The following LOC128092252 variants were observed in gnomAD, a reference collection of about 807,000 sequenced individuals.
chr15:50,668,911 T>C, the LOC128092252 span, among the ~76,000 whole-genome samples: 1 of 152,224 alleles, frequency 6.6e-6, no homozygotes, highest in East Asian at 1.9e-4. Flanking sequence ...TGGAATGATG[T>C]GCTCTCCTTA....
the LOC128092252 span, among the ~76,000 whole-genome samples, chr15:50,655,454 AAC>A: frequency 1.4e-5 from 2 of 144,264 alleles, no homozygotes; most frequent in Non-Finnish European, 1.6e-5. Flanking sequence ...AAAACAAAAA[AAC>A]AAAAAACCTT....
the LOC128092252 span, among the ~76,000 whole-genome samples, chr15:50,683,982 C>G: frequency 6.6e-6 from 1 of 151,822 alleles, no homozygotes; most frequent in Admixed American, 6.6e-5. Flanking sequence ...GCCTCAGCCT[C>G]ACGAGTAGCT....
At chr15:50,659,880 C>A in the LOC128092252 span, among the ~76,000 whole-genome samples, 1 of 152,116 alleles carries the variant, frequency 6.6e-6, no homozygotes, top group Non-Finnish European at 1.5e-5. Context: ...GTTGGCCAGG[C>A]TGGTCTCGAA....
At chr15:50,649,013 A>T in the LOC128092252 span, 1 of 601,120 alleles carries the variant, frequency 1.7e-6, no homozygotes. Context: ...GTATAAAAAT[A>T]AGCTTTTTGA....
the LOC128092252 span, among the ~76,000 whole-genome samples, chr15:50,680,161 GAGGC>G: frequency 3.3e-5 from 5 of 152,060 alleles, no homozygotes; most frequent in Non-Finnish European, 7.4e-5. Flanking sequence ...TTGAACCCGG[GAGGC>G]AGAGGCTGCA....
chr15:50,681,024 G>A, the LOC128092252 span, among the ~76,000 whole-genome samples: 8 of 152,172 alleles, frequency 5.3e-5, no homozygotes, highest in East Asian at 9.7e-4. Flanking sequence ...AGGCCAAGGC[G>A]GGCAGATCAC....
At chr15:50,672,055 GGTTTTT>G in the LOC128092252 span, among the ~76,000 whole-genome samples, 2,107 of 151,988 alleles carry the variant, frequency 0.014, 44 homozygotes, top group African/African-American at 0.049. Context: ...TTGTTTGGTT[GGTTTTT>G]GTTTTTGTTT....
At chr15:50,671,618 G>C in the LOC128092252 span, among the ~76,000 whole-genome samples, 17 of 150,034 alleles carry the variant, frequency 1.1e-4, no homozygotes, top group East Asian at 3.3e-3. Flanking sequence ...AGACCAACCT[G>C]GGCAGCATAA....
the LOC128092252 span, among the ~76,000 whole-genome samples, chr15:50,662,326 CAA>C: frequency 4.8e-5 from 6 of 124,618 alleles, no homozygotes; most frequent in Non-Finnish European, 5.3e-5. Context: ...GACTCTGTTC[CAA>C]AAAAAAAAAA....
chr15:50,650,712 A>AC, the LOC128092252 span, among the ~76,000 whole-genome samples: 2 of 151,908 alleles, frequency 1.3e-5, no homozygotes, highest in Non-Finnish European at 2.9e-5. Context: ...ACAAAAAAAA[A>AC]CAAAAAAATC....
chr15:50,678,547 C>T, the LOC128092252 span, among the ~76,000 whole-genome samples: 1 of 148,328 alleles, frequency 6.7e-6, no homozygotes, highest in Non-Finnish European at 1.5e-5. Context: ...TATATACACA[C>T]ACACACACAT....
chr15:50,678,665 A>G, the LOC128092252 span, among the ~76,000 whole-genome samples: 6 of 151,988 alleles, frequency 3.9e-5, no homozygotes, highest in East Asian at 1.2e-3. Context: ...TACGAACCCT[A>G]TGAGAGTTTT....
chr15:50,661,028 T>C, the LOC128092252 span, among the ~76,000 whole-genome samples: 1 of 151,276 alleles, frequency 6.6e-6, no homozygotes, highest in African/African-American at 2.4e-5. Flanking sequence ...CAGGCTGGAG[T>C]GCAGCAGTGT....
At chr15:50,686,612 G>C in the LOC128092252 span, 1 of 1,577,870 alleles carries the variant, frequency 6.3e-7, no homozygotes. Context: ...CTATCGGGAA[G>C]CGTCTCCGGA....
chr15:50,667,638 T>G, the LOC128092252 span, among the ~76,000 whole-genome samples: 1 of 151,930 alleles, frequency 6.6e-6, no homozygotes, highest in Non-Finnish European at 1.5e-5. Context: ...ACCCAGGAGG[T>G]GGAGGTAACA....
chr15:50,650,809 T>C, the LOC128092252 span, among the ~76,000 whole-genome samples: 1 of 152,330 alleles, frequency 6.6e-6, no homozygotes, highest in South Asian at 2.1e-4. Context: ...TTGCATGCTA[T>C]AGCAAGTCTA....
the LOC128092252 span, among the ~76,000 whole-genome samples, chr15:50,661,340 A>C: frequency 1.6e-4 from 24 of 152,286 alleles, no homozygotes; most frequent in African/African-American, 5.8e-4. Flanking sequence ...ATATAGACTG[A>C]ATGTAGCACT....
the LOC128092252 span, among the ~76,000 whole-genome samples, chr15:50,650,192 C>CAAAAAA: frequency 2.4e-3 from 152 of 62,286 alleles, 2 homozygotes; most frequent in Non-Finnish European, 3.2e-3. Flanking sequence ...GACTTTGTCT[C>CAAAAAA]AAAAAAAAAA....
chr15:50,655,514 A>G, the LOC128092252 span, among the ~76,000 whole-genome samples: 32 of 152,172 alleles, frequency 2.1e-4, no homozygotes, highest in Non-Finnish European at 3.5e-4. Flanking sequence ...CGCAAGCAGA[A>G]TAAGTACAAA....
Sources: gnomAD v4.1 joint callset for allele counts (sites outside exome capture counted in the v4.1 genomes callset) on GRCh38, gnomAD v4.1.1 for gene constraint, MANE v1.5 for transcripts.